NBDY: variants seen among roughly 807,000 people sequenced by gnomAD.
NBDY encodes the protein P-body dissociating protein.
At chrX:56,735,945 CAA>C (rs35820296) in intron 2 of NBDY, among the ~76,000 whole-genome samples, 130 of 64,266 alleles carry the variant, frequency 2.0e-3, no homozygotes, top group African/African-American at 2.6e-3. Flanking sequence ...ATCTGACTAG[CAA>C]AAAAAAAAAA....
chrX:56,749,754 C>A (rs144359274), intron 2 of NBDY, among the ~76,000 whole-genome samples: 1 of 109,095 alleles, frequency 9.2e-6, no homozygotes, highest in South Asian at 4.0e-4. Context: ...CGGGTTCAAG[C>A]GATCCTCCTG....
intron 2 of NBDY, among the ~76,000 whole-genome samples, chrX:56,785,672 G>A (rs1490571293): frequency 9.0e-6 from 1 of 111,614 alleles, no homozygotes; most frequent in Non-Finnish European, 1.9e-5. Flanking sequence ...CTATGCAGTC[G>A]CGGTGCAGAC....
chrX:56,816,888 T>G (rs984766780), intron 2 of NBDY, among the ~76,000 whole-genome samples: 3 of 111,321 alleles, frequency 2.7e-5, no homozygotes, highest in Non-Finnish European at 5.7e-5. Flanking sequence ...TATTTATTCA[T>G]GTATTATTTG....
chrX:56,784,340 A>G (rs1466761594), intron 2 of NBDY, among the ~76,000 whole-genome samples: 1 of 111,226 alleles, frequency 9.0e-6, no homozygotes, highest in Non-Finnish European at 1.9e-5. Context: ...TTGGGATGGG[A>G]CTGGACTGGA....
At chrX:56,787,271 A>C (rs2069734377) in intron 2 of NBDY, among the ~76,000 whole-genome samples, 1 of 110,541 alleles carries the variant, frequency 9.0e-6, no homozygotes, top group Non-Finnish European at 1.9e-5. Flanking sequence ...GCACACACAG[A>C]CACAAACACA....
chrX:56,738,655 A>T (rs2069510408), intron 2 of NBDY, among the ~76,000 whole-genome samples: 1 of 111,875 alleles, frequency 8.9e-6, no homozygotes, highest in African/African-American at 3.3e-5. Context: ...TAACAGCCAG[A>T]TGAAGAGATA....
intron 2 of NBDY, among the ~76,000 whole-genome samples, chrX:56,799,245 A>G (rs1372881465): frequency 8.9e-6 from 1 of 112,171 alleles, no homozygotes; most frequent in Non-Finnish European, 1.9e-5. Context: ...GAGTTGCCCC[A>G]CCCCAGCATC....
chrX:56,752,195 T>A (rs1352678788), intron 2 of NBDY, among the ~76,000 whole-genome samples: 1 of 112,169 alleles, frequency 8.9e-6, no homozygotes, highest in Non-Finnish European at 1.9e-5. Flanking sequence ...GGTATAATGA[T>A]CTATTTATTA....
chrX:56,764,360 G>A (rs764645852), intron 2 of NBDY, among the ~76,000 whole-genome samples: 10 of 111,942 alleles, frequency 8.9e-5, no homozygotes, highest in Admixed American at 8.4e-4. Context: ...CAACATGGCT[G>A]CCGGGCCAGC....
intron 2 of NBDY, among the ~76,000 whole-genome samples, chrX:56,757,350 G>A (rs967752243): frequency 6.2e-5 from 7 of 112,051 alleles, no homozygotes; most frequent in Admixed American, 9.4e-5. Flanking sequence ...TAAGAAGGCA[G>A]CATTGATTTC....
chrX:56,735,458 A>G, intron 2 of NBDY, among the ~76,000 whole-genome samples: 1 of 112,034 alleles, frequency 8.9e-6, no homozygotes, highest in Non-Finnish European at 1.9e-5. Context: ...AGTTCTTGTT[A>G]TACCTCAATC....
At chrX:56,811,716 C>G (rs1272106532) in intron 2 of NBDY, among the ~76,000 whole-genome samples, 1 of 112,091 alleles carries the variant, frequency 8.9e-6, no homozygotes, top group African/African-American at 3.2e-5. Flanking sequence ...ACCCGCCGAG[C>G]CAGACCGGTT....
At chrX:56,767,189 C>A (rs2069670355) in intron 2 of NBDY, among the ~76,000 whole-genome samples, 1 of 113,496 alleles carries the variant, frequency 8.8e-6, no homozygotes, top group Non-Finnish European at 1.9e-5. Context: ...TTCTCTTTTA[C>A]TTTCTACACC....
chrX:56,787,578 T>C (rs1187016285), intron 2 of NBDY, among the ~76,000 whole-genome samples: 1 of 111,958 alleles, frequency 8.9e-6, no homozygotes, highest in African/African-American at 3.3e-5. Context: ...AAGCAGCAGG[T>C]GTGAAACTGG....
At chrX:56,763,226 CAGAG>C (rs1193539573) in intron 2 of NBDY, among the ~76,000 whole-genome samples, 1 of 112,318 alleles carries the variant, frequency 8.9e-6, no homozygotes, top group African/African-American at 3.2e-5. Context: ...GTGTTAGAGA[CAGAG>C]AGAGTTCCCT....
At chrX:56,798,355 G>A (rs760901968) in intron 2 of NBDY, among the ~76,000 whole-genome samples, 1 of 111,845 alleles carries the variant, frequency 8.9e-6, no homozygotes, top group South Asian at 3.8e-4. Flanking sequence ...GCAACGTGGT[G>A]GCCTTTTTGA....
chrX:56,797,591 C>T (rs1287227489), intron 2 of NBDY, among the ~76,000 whole-genome samples: 2 of 111,108 alleles, frequency 1.8e-5, no homozygotes, highest in Non-Finnish European at 3.8e-5. Flanking sequence ...CCTTATAGCC[C>T]ACCATTCTTT....
At position 56,739,292 on chromosome X, in the gene NBDY, A is replaced by ATGTATG. The variant is rs2069519457; in HGVS notation, c.*166+7094_*166+7095insGTATGT. ...TGTATATATATATATTTTTATATAT[A>ATGTATG]TATATATAGAGAGAGAGAGAGAGAG... is the stretch of plus-strand genomic sequence containing the variant. On this transcript the variant is annotated intron_variant, in intron 2 of 2. Transcript: ENST00000374922. Among the ~76,000 whole-genome samples, 3 of 86,609 alleles carry ATGTATG rather than the reference A, an allele frequency of 3.5e-5. No individual in the cohort carries two copies. In the East Asian group the frequency reaches 1.0e-3, roughly 29 times the overall value. 75.2% of individuals were successfully genotyped at this position (86,609 alleles called of 115,157 possible).
At chrX:56,795,382 G>T (rs1265542625) in intron 2 of NBDY, among the ~76,000 whole-genome samples, 1 of 111,858 alleles carries the variant, frequency 8.9e-6, no homozygotes, top group Non-Finnish European at 1.9e-5. Flanking sequence ...AGCCTGACGT[G>T]GTCCATCATA....
Sources: gnomAD v4.1 joint callset for allele counts (sites outside exome capture counted in the v4.1 genomes callset) on GRCh38, gnomAD v4.1.1 for gene constraint, MANE v1.5 for transcripts, NCBI Gene and HGNC (gene_info 2026-07-23, HGNC 2026-07-21) for gene names.